CFAP54: variants seen among roughly 807,000 people sequenced by gnomAD.
The protein encoded by CFAP54 is cilia and flagella associated protein 54.
A neutral mutation model predicts 370.4 loss-of-function variants in CFAP54; 290 were observed. That is an observed-to-expected ratio of 0.78 (90% CI 0.71 to 0.86). The LOEUF (loss-of-function observed/expected upper bound fraction) is 0.86, where lower values mean the gene tolerates loss of function less well. CFAP54 is among the 40% of genes least tolerant of loss of function. The probability of loss-of-function intolerance (pLI) is 0.00; values close to 1 mark genes in which losing one functional copy is unlikely to be tolerated. For missense variants in CFAP54, 3,399 were observed against 3,528.7 expected, an observed-to-expected ratio of 0.96 and a Z score of 0.93; for synonymous variants, 1,206 against 1,236.5, an observed-to-expected ratio of 0.98 and a Z score of 0.52.
At chr12:96,707,387 G>C (rs1957558274) in intron 47 of CFAP54, among the ~76,000 whole-genome samples, 1 of 152,150 alleles carries the variant, frequency 6.6e-6, no homozygotes, top group South Asian at 2.1e-4. Context: ...TTCAAAGACT[G>C]ATAATTGACC....
chr12:96,755,291 T>C (rs554968606), intron 56 of CFAP54, among the ~76,000 whole-genome samples: 5 of 152,338 alleles, frequency 3.3e-5, no homozygotes, highest in Admixed American at 1.3e-4. Context: ...TATTGTGGCA[T>C]GATTAAATCA....
intron 39 of CFAP54, among the ~76,000 whole-genome samples, chr12:96,664,726 TA>T (rs1957049428): frequency 2.0e-4 from 2 of 9,772 alleles, no homozygotes; most frequent in Non-Finnish European, 2.9e-4. Context: ...TATATATATC[TA>T]TATATATATA....
intron 19 of CFAP54, among the ~76,000 whole-genome samples, chr12:96,568,621 A>G (rs1229446568): frequency 1.3e-5 from 2 of 152,248 alleles, no homozygotes; most frequent in African/African-American, 4.8e-5. Flanking sequence ...GGTACGTAAC[A>G]GAATGTTTTA....
At chr12:96,619,148 G>A (rs1250254958) in intron 26 of CFAP54, among the ~76,000 whole-genome samples, 1 of 152,162 alleles carries the variant, frequency 6.6e-6, no homozygotes, top group Non-Finnish European at 1.5e-5. Flanking sequence ...ACAGGCATAA[G>A]CCACGGCAAC....
chr12:96,796,137 T>C (rs1320520571), intron 63 of CFAP54, among the ~76,000 whole-genome samples: 4 of 152,216 alleles, frequency 2.6e-5, no homozygotes, highest in Non-Finnish European at 5.9e-5. Context: ...GTTTTGGCTA[T>C]CTTATGGGGC....
At chr12:96,499,982 C>CAAAACAA in intron 1 of CFAP54, among the ~76,000 whole-genome samples, 1 of 146,652 alleles carries the variant, frequency 6.8e-6, no homozygotes, top group African/African-American at 2.5e-5. Flanking sequence ...CAAAACAAAA[C>CAAAACAA]AAAAAAAACC....
At chr12:96,869,189 T>C (rs958972225) in intron 67 of CFAP54, among the ~76,000 whole-genome samples, 57 of 152,342 alleles carry the variant, frequency 3.7e-4, no homozygotes, top group African/African-American at 1.3e-3. Flanking sequence ...AATGTTTTTA[T>C]TGACCTTAGA....
intron 12 of CFAP54, among the ~76,000 whole-genome samples, chr12:96,537,099 A>C (rs1216690605): frequency 6.6e-6 from 1 of 152,168 alleles, no homozygotes; most frequent in Non-Finnish European, 1.5e-5. Context: ...GCAGCCTCAG[A>C]GAGCTCCAGG....
At position 96,764,240 on chromosome 12, in the gene CFAP54, T is replaced by C. The variant is rs766617999; in HGVS notation, c.8130T>C (p.Ala2710=). 2 of 1,611,284 alleles carry C rather than the reference T, an allele frequency of 1.2e-6. No individual in the cohort carries two copies. Among genetic ancestry groups the C allele is most frequent in the East Asian group, 4.5e-5 (2 of 44,810 alleles). The change falls in exon 59 of 68, where the codon GCT becomes GCC. Residue 2710 remains alanine (A), a synonymous_variant. Transcript: ENST00000524981. ...CATTAGCCTGGATTGCAATAAGAGCTGCTGCACAGGTTGGTGTGATTTTTG... is the reference window on the plus strand; with the variant it reads ...CATTAGCCTGGATTGCAATAAGAGCCGCTGCACAGGTTGGTGTGATTTTTG... ...YSSLAWIAIR[A]AAQVSEAVLA...
chr12:96,845,192 C>A (rs576294500), intron 66 of CFAP54, among the ~76,000 whole-genome samples: 7 of 152,202 alleles, frequency 4.6e-5, no homozygotes, highest in African/African-American at 1.4e-4. Context: ...TTTACCATGA[C>A]CCAGAAAAGA....
intron 11 of CFAP54, among the ~76,000 whole-genome samples, 173 bp from the exon 12 acceptor site, chr12:96,535,342 C>T (rs1468094866): frequency 1.3e-5 from 2 of 152,082 alleles, no homozygotes; most frequent in Admixed American, 1.3e-4. Context: ...AAGCCATTGC[C>T]CCCAGCCAAG....
intron 4 of CFAP54, among the ~76,000 whole-genome samples, chr12:96,512,026 T>C (rs189787117): frequency 6.6e-6 from 1 of 152,180 alleles, no homozygotes. Context: ...CTATCCTCTT[T>C]TAATTAATGG....
rs1437820997 is a variant in CFAP54, at chr12:96,621,750, C to A, written c.3771+29C>A. On this transcript the variant is annotated intron_variant, in intron 27 of 67. Transcript: ENST00000524981. ...ATTGTTTTTGTTTCTCATTTTTAAA[C>A]CTACGTTTAGTTTGCATCTTTTAGG... is the stretch of plus-strand genomic sequence containing the variant. The A allele has an allele frequency of 2.0e-6, 3 of 1,498,832 alleles. No homozygotes were observed. In the African/African-American group the frequency reaches 4.2e-5, roughly 21 times the overall value. 92.8% of individuals were successfully genotyped at this position (1,498,832 alleles called of 1,614,324 possible).
At chr12:96,784,603 A>T (rs975812201) in intron 60 of CFAP54, 114 bp from the exon 61 acceptor site, 1 of 736,360 alleles carries the variant, frequency 1.4e-6, no homozygotes, top group Non-Finnish European at 2.0e-6. Context: ...AATTGAACAT[A>T]GTATCATGTG....
At chr12:96,539,063 G>GTTTT (rs1565889464) in intron 13 of CFAP54, among the ~76,000 whole-genome samples, 3 of 102,374 alleles carry the variant, frequency 2.9e-5, no homozygotes, top group African/African-American at 1.1e-4. Flanking sequence ...GGCCTTTTCA[G>GTTTT]GTTTTTTTTT....
intron 50 of CFAP54, 39 bp downstream of exon 50, chr12:96,720,604 G>A (rs1957739930): frequency 7.4e-7 from 1 of 1,348,042 alleles, no homozygotes; most frequent in Non-Finnish European, 9.6e-7. Flanking sequence ...TACCTTTGAA[G>A]AGAGTTCCTT....
intron 62 of CFAP54, among the ~76,000 whole-genome samples, chr12:96,788,711 G>A (rs1958652932): frequency 1.3e-5 from 2 of 151,910 alleles, no homozygotes; most frequent in South Asian, 4.2e-4. Flanking sequence ...CCCTACTCAA[G>A]AGAGTCAGAT....
chr12:96,528,885 T>G (rs1955410852), intron 9 of CFAP54, among the ~76,000 whole-genome samples: 1 of 152,174 alleles, frequency 6.6e-6, no homozygotes, highest in African/African-American at 2.4e-5. Context: ...TTTTTAGGAT[T>G]TGTTATTATT....
chr12:96,657,894 A>G lies in CFAP54; in HGVS notation c.5113A>G (p.Lys1705Glu), dbSNP rs996006057. 6.8e-6 allele frequency: 11 copies of G among 1,610,334 alleles called. No homozygotes were observed. In the African/African-American group the frequency reaches 1.2e-4, roughly 18 times the overall value. The part of the protein sequence containing the change: ...NTSSIKPIED[K>E]GEFSVPSCYG... Reference sequence around the variant, plus strand: ...GTGCTACTTGCAGCCTATTGAAGACAAAGGAGAATTCAGTGTTCCAAGCTG... The same window carrying G: ...GTGCTACTTGCAGCCTATTGAAGACGAAGGAGAATTCAGTGTTCCAAGCTG... Residue 1705 changes from lysine to glutamate, a missense_variant, in exon 37 of 68, where the codon AAA (lysine) becomes GAA (glutamate). Physicochemically the swap from Lys to Glu is moderately conservative, Grantham distance 56. Transcript: ENST00000524981.
Sources: allele counts gnomAD v4.1 joint callset (sites outside exome capture counted in the v4.1 genomes callset), GRCh38; gene constraint gnomAD v4.1.1; transcripts MANE v1.5; gene names NCBI Gene and HGNC (gene_info 2026-07-23, HGNC 2026-07-21).